ZNF292: variants seen among roughly 807,000 people sequenced by gnomAD.
ZNF292 encodes the protein 16 zinc-finger domain protein.
In ZNF292, 26 loss-of-function variants were observed where a neutral mutation model predicts 217.9. The observed-to-expected ratio is 0.12, with a 90% CI of 0.09 to 0.17. The LOEUF (loss-of-function observed/expected upper bound fraction) is 0.17, where lower values mean the gene tolerates loss of function less well. Ranked by LOEUF, ZNF292 falls within the 10% of genes least tolerant of loss-of-function variation. The pLI is 1.00. For missense variants in ZNF292, 2,904 were observed against 3,175.2 expected, an observed-to-expected ratio of 0.91 and a Z score of 2.05; for synonymous variants, 1,257 against 1,124.1, an observed-to-expected ratio of 1.12 and a Z score of -2.37.
chr6:87,191,157 T>TCATA (rs1771810141), intron 1 of ZNF292, among the ~76,000 whole-genome samples: 1 of 152,202 alleles, frequency 6.6e-6, no homozygotes, highest in African/African-American at 2.4e-5. Context: ...ATGTAATGTT[T>TCATA]CATAGTATGG....
chr6:87,239,070 T>C (rs1354736635), intron 5 of ZNF292, among the ~76,000 whole-genome samples: 2 of 152,272 alleles, frequency 1.3e-5, no homozygotes, highest in Non-Finnish European at 2.9e-5. Context: ...GAGTCTCCTA[T>C]GTCTACTTCT....
At chr6:87,229,788 C>T (rs533496780) in intron 4 of ZNF292, among the ~76,000 whole-genome samples, 10 of 152,188 alleles carry the variant, frequency 6.6e-5, no homozygotes, top group Non-Finnish European at 1.5e-4. Context: ...GATAAGTGAT[C>T]CTTGCTTTGA....
At position 87,227,188 on chromosome 6, in the gene ZNF292, T is replaced by C. The variant is rs1773400110; in HGVS notation, c.539-6137T>C. Among the ~76,000 whole-genome samples, 4 of 152,274 alleles carry C rather than the reference T, an allele frequency of 2.6e-5. No individual in the cohort carries two copies. The South Asian group carries it at 8.3e-4, about 32-fold the overall frequency. On this transcript the variant is annotated intron_variant, in intron 4 of 7. Transcript: ENST00000369577. ...GAAAGGGTAAGAGGTGGGGTCAAAG[T>C]TGATTATCCCTAATTGGTCATTTGG...
chr6:87,196,027 CAAA>C (rs147308020), intron 1 of ZNF292, among the ~76,000 whole-genome samples: 1 of 95,812 alleles, frequency 1.0e-5, no homozygotes, highest in Non-Finnish European at 2.2e-5. Context: ...GACTCCGTCT[CAAA>C]AAAAAAAAAA....
At chr6:87,176,990 G>T (rs376262929) in intron 1 of ZNF292, among the ~76,000 whole-genome samples, 1 of 151,664 alleles carries the variant, frequency 6.6e-6, no homozygotes, top group East Asian at 1.9e-4. Flanking sequence ...CTGATGCACC[G>T]CCTCCCCCGG....
chr6:87,201,334 T>C (rs937398665), intron 1 of ZNF292, among the ~76,000 whole-genome samples: 1 of 152,236 alleles, frequency 6.6e-6, no homozygotes, highest in South Asian at 2.1e-4. Context: ...TTTTCTGTCT[T>C]AAGAAAACCT....
At chr6:87,239,505 CCT>C (rs1774114211) in intron 5 of ZNF292, among the ~76,000 whole-genome samples, 1 of 150,222 alleles carries the variant, frequency 6.7e-6, no homozygotes, top group Admixed American at 6.6e-5. Flanking sequence ...CACCTCCCTC[CCT>C]GATGGGGCGG....
rs1463541332 is a variant in ZNF292 at position 87,260,594 on chromosome 6, G to C, written c.6965G>C (p.Arg2322Thr). ...KSKHRGTKHS[R>T]CGKEGIKMPK... ...AAACATCGGGGGACCAAGCACAGCAGATGTGGAAAGGAAGGAATAAAAATG... is the reference window on the plus strand; with the variant it reads ...AAACATCGGGGGACCAAGCACAGCACATGTGGAAAGGAAGGAATAAAAATG... The change falls in exon 8 of 8, where the codon AGA (arginine) becomes ACA (threonine). Residue 2322 changes from arginine to threonine, a missense_variant. Around this residue, in one of 15 missense-constraint regions of ZNF292, gnomAD observed 101 missense variants for 89.5 expected, o/e 1.13. Coordinates refer to ENST00000369577, the MANE Select transcript of ZNF292 (RefSeq NM_015021.3). 6.2e-7 allele frequency: 1 copy of C among 1,612,954 alleles called. No individual in the cohort carries two copies. Among genetic ancestry groups the C allele is most frequent in the Non-Finnish European group, 8.5e-7 (1 of 1,179,640 alleles).
At chr6:87,239,095 A>G (rs1404672598) in intron 5 of ZNF292, among the ~76,000 whole-genome samples, 1 of 152,288 alleles carries the variant, frequency 6.6e-6, no homozygotes, top group Non-Finnish European at 1.5e-5. Context: ...ACACAGACAC[A>G]GCAACAATCT....
chr6:87,255,471 G>T lies in ZNF292; in HGVS notation c.1842G>T (p.Lys614Asn). 1 of 1,613,592 alleles carries T rather than the reference G, an allele frequency of 6.2e-7. No homozygotes were observed. Among genetic ancestry groups the T allele is most frequent in the Non-Finnish European group, 8.5e-7 (1 of 1,179,776 alleles). The change falls in exon 8 of 8, where the codon AAG (lysine) becomes AAT (asparagine). Residue 614 changes from lysine (K) to asparagine (N), a missense_variant. Coordinates refer to ENST00000369577, the MANE Select transcript of ZNF292 (RefSeq NM_015021.3). Reference sequence around the variant, plus strand: ...TAAGAAGATTGGGAAGGCCTCCAAAGATCACAACTACCAATGAAAATCAGA... The same window carrying T: ...TAAGAAGATTGGGAAGGCCTCCAAATATCACAACTACCAATGAAAATCAGA... ...KPLRRLGRPP[K>N]ITTTNENQKT...
At chr6:87,211,009 G>A (rs1772458519) in intron 1 of ZNF292, among the ~76,000 whole-genome samples, 1 of 152,080 alleles carries the variant, frequency 6.6e-6, no homozygotes, top group African/African-American at 2.4e-5. Flanking sequence ...AATACTTTTT[G>A]AACAATGTGC....
At chr6:87,196,277 G>GT (rs1005501966) in intron 1 of ZNF292, among the ~76,000 whole-genome samples, 2 of 152,206 alleles carry the variant, frequency 1.3e-5, no homozygotes, top group South Asian at 2.1e-4. Flanking sequence ...TTAATGTGAT[G>GT]TTTTTTTCCT....
At position 87,260,170 on chromosome 6, in the gene ZNF292, C is replaced by T. The variant is rs377387515; in HGVS notation, c.6541C>T (p.Arg2181Ter). The T allele has an allele frequency of 6.2e-7, 1 of 1,612,760 alleles. No homozygotes were observed. The highest frequency in any genetic ancestry group is 1.3e-5 in the African/African-American group (1 of 74,972). The change falls in exon 8 of 8, where the codon CGA (arginine) becomes TGA (stop). Residue 2181 changes from arginine to a stop codon, truncating the protein, a stop_gained. Transcript: ENST00000369577. LOFTEE classifies it high-confidence loss of function. Reference sequence around the variant, plus strand: ...TCGATGTCAGGTAAGTGACTGTTCTCGAATTTTCCAAGCAATTACTGGCCT... The same window carrying T: ...TCGATGTCAGGTAAGTGACTGTTCTTGAATTTTCCAAGCAATTACTGGCCT... ...EFRCQVSDCS[R>*]IFQAITGLIQ... is the part of the protein sequence containing the mutation.
chr6:87,245,476 T>C (rs1480462801), intron 6 of ZNF292, 27 bp from the exon 7 acceptor site: 6 of 1,461,776 alleles, frequency 4.1e-6, no homozygotes, highest in Non-Finnish European at 4.6e-6. Flanking sequence ...GCTCCAACTT[T>C]TCTTATTATA....
chr6:87,182,192 A>G (rs554167528), intron 1 of ZNF292, among the ~76,000 whole-genome samples: 19 of 152,316 alleles, frequency 1.2e-4, no homozygotes, highest in African/African-American at 4.6e-4. Flanking sequence ...GTGGAATATT[A>G]CTATGCAGGA....
intron 6 of ZNF292, among the ~76,000 whole-genome samples, chr6:87,244,753 C>T (rs1291255428): frequency 6.6e-6 from 1 of 151,844 alleles, no homozygotes; most frequent in African/African-American, 2.4e-5. Flanking sequence ...ATAATAATAA[C>T]CTTATTGTCA....
chr6:87,230,733 T>TAAA (rs35005215), intron 4 of ZNF292, among the ~76,000 whole-genome samples: 3 of 137,492 alleles, frequency 2.2e-5, no homozygotes, highest in Non-Finnish European at 4.8e-5. Flanking sequence ...GACTCCGTCT[T>TAAA]AAAAAAAAAA....
chr6:87,159,037 A>G (rs1770634533), intron 1 of ZNF292, among the ~76,000 whole-genome samples: 2 of 152,232 alleles, frequency 1.3e-5, no homozygotes, highest in Non-Finnish European at 2.9e-5. Flanking sequence ...ATTAGTTTAC[A>G]TTCTATGTAA....
intron 1 of ZNF292, among the ~76,000 whole-genome samples, chr6:87,171,711 C>A (rs1370542675): frequency 6.6e-6 from 1 of 152,150 alleles, no homozygotes; most frequent in South Asian, 2.1e-4. Flanking sequence ...GTATTTTATA[C>A]TGATGGCATA....
Sources: gnomAD v4.1 joint callset for allele counts (sites outside exome capture counted in the v4.1 genomes callset) on GRCh38, gnomAD v4.1.1 for gene constraint, gnomAD v4.1.1 regional missense constraint, MANE v1.5 for transcripts, NCBI Gene and HGNC (gene_info 2026-07-23, HGNC 2026-07-21) for gene names.